TENM3: variants seen among roughly 807,000 people sequenced by gnomAD.
The protein encoded by TENM3 is teneurin-3.
TENM3 carries 63 observed loss-of-function variants against 255.1 expected under a neutral mutation model. That is an observed-to-expected ratio of 0.25 (90% CI 0.20 to 0.30). The LOEUF (loss-of-function observed/expected upper bound fraction) is 0.30, where lower values mean the gene tolerates loss of function less well. TENM3 is among the 10% of genes least tolerant of loss of function. The pLI is 1.00. For missense variants in TENM3, 2,929 were observed against 3,461.1 expected (o/e 0.85, Z 3.86); for synonymous variants, 1,306 against 1,322.3 (o/e 0.99, Z 0.27).
At chr4:181,691,742 T>C in the TENM3 span, among the ~76,000 whole-genome samples, 1 of 152,160 alleles carries the variant, frequency 6.6e-6, no homozygotes, top group African/African-American at 2.4e-5. Context: ...TTATTTGCAA[T>C]TAATAAGAGT....
intron 1 of TENM3, among the ~76,000 whole-genome samples, chr4:182,157,139 A>G (rs1018601030): frequency 1.3e-5 from 2 of 152,234 alleles, no homozygotes; most frequent in Non-Finnish European, 2.9e-5. Context: ...ACTCTGAGAC[A>G]CTGCAAAGGT....
chr4:182,645,734 T>C (rs1752687306), intron 5 of TENM3, among the ~76,000 whole-genome samples: 1 of 152,200 alleles, frequency 6.6e-6, no homozygotes, highest in South Asian at 2.1e-4. Flanking sequence ...CCTCATAATA[T>C]GACAGCTGGT....
chr4:181,699,581 A>AAAAT, the TENM3 span, among the ~76,000 whole-genome samples: 1 of 152,090 alleles, frequency 6.6e-6, no homozygotes, highest in Admixed American at 6.6e-5. Context: ...AGATACATAC[A>AAAAT]AAATATAATT....
intron 2 of TENM3, among the ~76,000 whole-genome samples, chr4:182,326,411 C>T (rs1443373706): frequency 6.6e-6 from 1 of 152,120 alleles, no homozygotes; most frequent in African/African-American, 2.4e-5. Context: ...GAACTTGAGC[C>T]CAGGCTTGCC....
intron 1 of TENM3, among the ~76,000 whole-genome samples, chr4:182,152,338 A>G (rs1002297435): frequency 1.3e-5 from 2 of 151,982 alleles, no homozygotes; most frequent in African/African-American, 4.8e-5. Flanking sequence ...AGCTACTAAC[A>G]TATTTAACAT....
the TENM3 span, among the ~76,000 whole-genome samples, chr4:181,752,161 T>C: frequency 2.0e-5 from 3 of 152,182 alleles, no homozygotes; most frequent in Non-Finnish European, 2.9e-5. Context: ...CAACTACGGT[T>C]CTCTCCAGCA....
At chr4:181,646,667 C>T in the TENM3 span, among the ~76,000 whole-genome samples, 61 of 152,222 alleles carry the variant, frequency 4.0e-4, no homozygotes, top group Non-Finnish European at 6.8e-4. Context: ...CCAAATGCAG[C>T]GGCCAGTGCA....
the TENM3 span, among the ~76,000 whole-genome samples, chr4:181,771,877 C>T: frequency 2.6e-5 from 4 of 152,214 alleles, no homozygotes; most frequent in Non-Finnish European, 2.9e-5. Context: ...AGATGCTACA[C>T]TCACCTTCGT....
At chr4:182,474,002 G>A (rs944554052) in intron 3 of TENM3, among the ~76,000 whole-genome samples, 1 of 152,152 alleles carries the variant, frequency 6.6e-6, no homozygotes, top group African/African-American at 2.4e-5. Flanking sequence ...TATTGGAAAT[G>A]TATCTCCTGA....
rs1751758349 is a variant in TENM3 at position 182,166,887 on chromosome 4, T to A, written c.-76+22133T>A. On this transcript the variant is annotated intron_variant, in intron 1 of 2. Coordinates refer to the TENM3 transcript ENST00000512480. Reference sequence around the variant, plus strand: ...TTGTTAAACTCTTGGGTTTTTTTTTTAAAGACTTAGAATATCATAAAGGTA... The same window carrying A: ...TTGTTAAACTCTTGGGTTTTTTTTTAAAAGACTTAGAATATCATAAAGGTA... Among the ~76,000 whole-genome samples, 4 of 152,070 alleles carry A rather than the reference T, an allele frequency of 2.6e-5. No homozygotes were observed. The South Asian group carries it at 8.3e-4, about 31-fold the overall frequency.
chr4:181,948,559 G>A, the TENM3 span, among the ~76,000 whole-genome samples: 2 of 151,994 alleles, frequency 1.3e-5, no homozygotes, highest in Non-Finnish European at 1.5e-5. Flanking sequence ...GGGATTACAG[G>A]TGCACGCCAC....
chr4:182,487,949 A>G (rs1020971657), intron 3 of TENM3, among the ~76,000 whole-genome samples: 3 of 152,212 alleles, frequency 2.0e-5, no homozygotes, highest in African/African-American at 7.2e-5. Context: ...GTGGGTTAAA[A>G]TAGGAAGTTA....
At chr4:182,145,178 T>A (rs1297091942) in intron 1 of TENM3, 1 of 152,082 alleles carries the variant, frequency 6.6e-6, no homozygotes, top group Non-Finnish European at 1.5e-5. Flanking sequence ...CCTGGGGGGC[T>A]TCCAGCGAGC....
upstream of TENM3, among the ~76,000 whole-genome samples, chr4:182,138,987 A>G (rs1379663510): frequency 6.6e-6 from 1 of 152,208 alleles, no homozygotes; most frequent in Non-Finnish European, 1.5e-5. Flanking sequence ...CCTGTTTAAA[A>G]AAGAAAGTCA....
intron 22 of TENM3, among the ~76,000 whole-genome samples, chr4:182,759,078 A>C (rs904711611): frequency 5.3e-5 from 8 of 152,218 alleles, no homozygotes; most frequent in Admixed American, 4.6e-4. Context: ...CTTCCAAAGA[A>C]ATTTTAAAAG....
At chr4:182,706,589 AG>A (rs1309675737) in intron 12 of TENM3, among the ~76,000 whole-genome samples, 1 of 152,202 alleles carries the variant, frequency 6.6e-6, no homozygotes, top group Non-Finnish European at 1.5e-5. Flanking sequence ...AGACACATAG[AG>A]GACATACTAA....
the TENM3 span, among the ~76,000 whole-genome samples, chr4:181,696,691 A>G: frequency 6.6e-6 from 1 of 152,200 alleles, no homozygotes; most frequent in Non-Finnish European, 1.5e-5. Context: ...GTACGCACTC[A>G]CTAAGGTTAA....
the TENM3 span, among the ~76,000 whole-genome samples, chr4:181,850,664 G>T: frequency 6.6e-6 from 1 of 151,582 alleles, no homozygotes; most frequent in Non-Finnish European, 1.5e-5. Context: ...TTTTTAACTA[G>T]GTGAATTACT....
chr4:181,733,950 C>A, the TENM3 span, among the ~76,000 whole-genome samples: 1 of 152,174 alleles, frequency 6.6e-6, no homozygotes, highest in South Asian at 2.1e-4. Flanking sequence ...CGGTTTGGAA[C>A]CTGCCGTTCT....
Sources: allele counts gnomAD v4.1 joint callset (sites outside exome capture counted in the v4.1 genomes callset), GRCh38; gene constraint gnomAD v4.1.1; transcripts MANE v1.5; gene names NCBI Gene and HGNC (gene_info 2026-07-23, HGNC 2026-07-21).